RAP1GDS1: variants seen among roughly 807,000 people sequenced by gnomAD.
RAP1GDS1 encodes the protein RAP1, GTP-GDP dissociation stimulator 1.
A neutral mutation model predicts 71.1 loss-of-function variants in RAP1GDS1; 35 were observed. The observed-to-expected ratio is 0.49, with a 90% CI of 0.38 to 0.65. The LOEUF is 0.65. RAP1GDS1 is among the 30% of genes least tolerant of loss of function. The pLI is 0.00. For synonymous variants in RAP1GDS1, 229 were observed against 243.1 expected (o/e 0.94, Z 0.54); for missense variants, 663 against 706.1 (o/e 0.94, Z 0.69).
chr4:98,327,377 G>A (rs961209759), intron 2 of RAP1GDS1, among the ~76,000 whole-genome samples: 8 of 152,184 alleles, frequency 5.3e-5, no homozygotes, highest in Non-Finnish European at 8.8e-5. Flanking sequence ...TGGCTACAAG[G>A]ATCACACTGG....
At chr4:98,273,636 A>G (rs1269497826) in intron 1 of RAP1GDS1, among the ~76,000 whole-genome samples, 2 of 152,160 alleles carry the variant, frequency 1.3e-5, no homozygotes, top group African/African-American at 4.8e-5. Context: ...AGTTTTACAA[A>G]TTTCATCTTT....
At chr4:98,387,801 T>C (rs1316054673) in intron 5 of RAP1GDS1, among the ~76,000 whole-genome samples, 1 of 152,154 alleles carries the variant, frequency 6.6e-6, no homozygotes, top group Non-Finnish European at 1.5e-5. Context: ...TTTTTGTGAA[T>C]TGCTGTGTTT....
At chr4:98,436,374 C>CAT (rs1014242623) in intron 13 of RAP1GDS1, among the ~76,000 whole-genome samples, 10 of 152,126 alleles carry the variant, frequency 6.6e-5, no homozygotes, top group African/African-American at 2.4e-4. Context: ...ATTCCTCACA[C>CAT]TTTATTCTTC....
chr4:98,409,934 C>T (rs1332454496), intron 7 of RAP1GDS1, among the ~76,000 whole-genome samples: 1 of 151,986 alleles, frequency 6.6e-6, no homozygotes, highest in Non-Finnish European at 1.5e-5. Flanking sequence ...TCACAAAAAG[C>T]TCTAATCATA....
intron 7 of RAP1GDS1, among the ~76,000 whole-genome samples, chr4:98,411,890 C>T (rs1360649733): frequency 3.3e-5 from 5 of 152,166 alleles, no homozygotes; most frequent in Non-Finnish European, 7.3e-5. Flanking sequence ...CTAGTCACCA[C>T]ACATCTCTAG....
chr4:98,266,417 G>T (rs530450150), intron 1 of RAP1GDS1, among the ~76,000 whole-genome samples: 2 of 152,094 alleles, frequency 1.3e-5, no homozygotes, highest in East Asian at 3.9e-4. Flanking sequence ...TAGATTATAG[G>T]TATGCTTCTA....
intron 5 of RAP1GDS1, among the ~76,000 whole-genome samples, chr4:98,380,625 A>G (rs1220560382): frequency 6.6e-6 from 1 of 151,788 alleles, no homozygotes; most frequent in Non-Finnish European, 1.5e-5. Flanking sequence ...GAAATCCACA[A>G]AATAAATACA....
intron 2 of RAP1GDS1, among the ~76,000 whole-genome samples, chr4:98,323,298 A>C (rs1333350187): frequency 2.7e-5 from 4 of 146,804 alleles, no homozygotes; most frequent in African/African-American, 1.1e-4. Flanking sequence ...CCAACCAAAA[A>C]GAGTCCAGGA....
intron 2 of RAP1GDS1, among the ~76,000 whole-genome samples, chr4:98,296,391 CTTT>C (rs1040847801): frequency 1.3e-5 from 2 of 151,082 alleles, no homozygotes; most frequent in East Asian, 4.0e-4. Flanking sequence ...GAGTGGTTTT[CTTT>C]TTTTACCATT....
intron 12 of RAP1GDS1, among the ~76,000 whole-genome samples, 181 bp downstream of exon 12, chr4:98,421,575 G>A (rs1207404333): frequency 6.6e-6 from 1 of 152,134 alleles, no homozygotes; most frequent in African/African-American, 2.4e-5. Flanking sequence ...GGTAAATGGG[G>A]GTTGCTGTTG....
intron 1 of RAP1GDS1, among the ~76,000 whole-genome samples, chr4:98,269,043 G>T (rs886592734): frequency 1.3e-5 from 2 of 151,902 alleles, no homozygotes; most frequent in African/African-American, 4.8e-5. Context: ...CACACTACAT[G>T]CTTCAAGTCA....
intron 12 of RAP1GDS1, among the ~76,000 whole-genome samples, chr4:98,424,742 C>G (rs1488214069): frequency 7.4e-6 from 1 of 134,808 alleles, no homozygotes; most frequent in Non-Finnish European, 1.5e-5. Context: ...TCCTGGGTGA[C>G]AGAGCAAGAC....
rs554442858 is a variant in RAP1GDS1 at position 98,386,507 on chromosome 4, C to T, written c.509-5445C>T. On this transcript the variant is annotated intron_variant, in intron 5 of 14. Transcript: ENST00000408927. The stretch of plus-strand genomic sequence containing the variant: ...TCTTTTCTAGTTTTTTATTTGTTAG[C>T]GACTAGGAAGAAATGTATAAATGTA... Among the ~76,000 whole-genome samples the T allele has an allele frequency of 4.7e-5, 7 of 150,500 alleles. No homozygotes were observed. The South Asian group carries it at 1.5e-3, about 31-fold the overall frequency.
At chr4:98,294,056 A>G (rs1383050501) in intron 2 of RAP1GDS1, among the ~76,000 whole-genome samples, 2 of 152,122 alleles carry the variant, frequency 1.3e-5, no homozygotes, top group Non-Finnish European at 2.9e-5. Flanking sequence ...TTTATCTTTG[A>G]TGTGATAAAT....
At chr4:98,265,643 AAAATTGTTC>A (rs1722622857) in intron 1 of RAP1GDS1, among the ~76,000 whole-genome samples, 1 of 152,168 alleles carries the variant, frequency 6.6e-6, no homozygotes, top group Non-Finnish European at 1.5e-5. Flanking sequence ...GAAAAAGAGG[AAAATTGTTC>A]ATGGTAAGAA....
At chr4:98,392,446 G>A (rs1743851046) in intron 6 of RAP1GDS1, among the ~76,000 whole-genome samples, 1 of 152,222 alleles carries the variant, frequency 6.6e-6, no homozygotes, top group Non-Finnish European at 1.5e-5. Context: ...ATTGCATAGT[G>A]GCTTGTGCCT....
At chr4:98,380,195 C>G (rs1156727710) in intron 5 of RAP1GDS1, among the ~76,000 whole-genome samples, 1 of 151,478 alleles carries the variant, frequency 6.6e-6, no homozygotes, top group Admixed American at 6.6e-5. Context: ...AGCCCTTGTC[C>G]TATTGAAAGG....
intron 2 of RAP1GDS1, among the ~76,000 whole-genome samples, chr4:98,338,591 C>CTT (rs1735064526): frequency 1.3e-5 from 2 of 152,132 alleles, no homozygotes; most frequent in African/African-American, 4.8e-5. Context: ...CAGTGAAAAC[C>CTT]TGTCTTCTCA....
At chr4:98,401,592 C>G (rs116383832) in intron 6 of RAP1GDS1, among the ~76,000 whole-genome samples, 332 of 152,284 alleles carry the variant, frequency 2.2e-3, no homozygotes, top group Middle Eastern at 6.8e-3. Context: ...TAATATTAGG[C>G]TAACTCTTTA....
Sources: gnomAD v4.1 joint callset for allele counts (sites outside exome capture counted in the v4.1 genomes callset) on GRCh38, gnomAD v4.1.1 for gene constraint, MANE v1.5 for transcripts, NCBI Gene and HGNC (gene_info 2026-07-23, HGNC 2026-07-21) for gene names.